Variants in CNTN3 observed in about 807,000 individuals in gnomAD.
CNTN3 encodes the protein contactin 3.
CNTN3 carries 60 observed loss-of-function variants against 119.1 expected under a neutral mutation model. The observed-to-expected ratio is 0.50, with a 90% CI of 0.41 to 0.62. The LOEUF is 0.62. CNTN3 is among the 20% of genes least tolerant of loss of function. The pLI is 0.00. For missense variants in CNTN3, 1,101 were observed against 1,242.4 expected (o/e 0.89, Z 1.71); for synonymous variants, 450 against 438.7 (o/e 1.03, Z -0.32).
At chr3:74,562,679 C>T (rs923146077) in intron 1 of CNTN3, among the ~76,000 whole-genome samples, 3 of 152,158 alleles carry the variant, frequency 2.0e-5, no homozygotes, top group Non-Finnish European at 4.4e-5. Flanking sequence ...GGCTTCCACA[C>T]TGAACTCATC....
intron 2 of CNTN3, among the ~76,000 whole-genome samples, chr3:74,510,649 A>C (rs1559639636): frequency 1.3e-5 from 2 of 152,010 alleles, no homozygotes; most frequent in Non-Finnish European, 2.9e-5. Context: ...CAAATCTCTA[A>C]GAATGTTTAC....
chr3:74,267,454 T>C, intron 20 of CNTN3, 76 bp from the exon 21 acceptor site: 2 of 1,012,220 alleles, frequency 2.0e-6, no homozygotes, highest in Non-Finnish European at 3.1e-6. Flanking sequence ...ATGGCGGCTA[T>C]CATAGGAAGC....
intron 11 of CNTN3, among the ~76,000 whole-genome samples, chr3:74,336,872 G>T (rs1703407573): frequency 6.6e-6 from 1 of 151,416 alleles, no homozygotes; most frequent in Admixed American, 6.6e-5. Flanking sequence ...GACAAAAGAT[G>T]CTCCACCAAT....
chr3:74,518,394 T>A (rs772882639), intron 2 of CNTN3, among the ~76,000 whole-genome samples: 4 of 151,960 alleles, frequency 2.6e-5, no homozygotes, highest in Non-Finnish European at 5.9e-5. Flanking sequence ...ATGGAGGATG[T>A]CAAGATTTAT....
chr3:74,408,982 C>A (rs1327307142), intron 5 of CNTN3, among the ~76,000 whole-genome samples: 1 of 152,110 alleles, frequency 6.6e-6, no homozygotes, highest in Non-Finnish European at 1.5e-5. Flanking sequence ...TTCTCTATTT[C>A]TTTGGCCAAT....
chr3:74,468,599 T>A (rs1466145342), intron 4 of CNTN3, among the ~76,000 whole-genome samples: 1 of 152,174 alleles, frequency 6.6e-6, no homozygotes, highest in African/African-American at 2.4e-5. Context: ...CAGATTATTT[T>A]TTATTAATGG....
chr3:74,353,735 G>A (rs1472665786), intron 11 of CNTN3, among the ~76,000 whole-genome samples: 1 of 151,890 alleles, frequency 6.6e-6, no homozygotes, highest in African/African-American at 2.4e-5. Flanking sequence ...CAGCCTGGGG[G>A]ACAGAGCGAG....
intron 5 of CNTN3, among the ~76,000 whole-genome samples, chr3:74,377,336 T>C (rs575001226): frequency 1.1e-4 from 17 of 152,234 alleles, no homozygotes; most frequent in African/African-American, 3.9e-4. Flanking sequence ...ACTGAAAATA[T>C]TTGAGAATAA....
intron 5 of CNTN3, among the ~76,000 whole-genome samples, chr3:74,389,748 C>A (rs1201930676): frequency 6.6e-6 from 1 of 152,152 alleles, no homozygotes; most frequent in Non-Finnish European, 1.5e-5. Context: ...TAAGTCCCTG[C>A]TCCTCAAATC....
At chr3:74,340,052 A>G (rs1379563801) in intron 11 of CNTN3, among the ~76,000 whole-genome samples, 7 of 152,278 alleles carry the variant, frequency 4.6e-5, no homozygotes, top group Non-Finnish European at 8.8e-5. Flanking sequence ...GCAATAAAAA[A>G]GTACAAGTGA....
chr3:74,613,119 ACTC>A (rs1233631299), intron 1 of CNTN3, among the ~76,000 whole-genome samples: 2 of 151,876 alleles, frequency 1.3e-5, no homozygotes, highest in Non-Finnish European at 2.9e-5. Flanking sequence ...AAAGGCAATT[ACTC>A]CTCCTTTCAA....
intron 13 of CNTN3, among the ~76,000 whole-genome samples, chr3:74,318,333 A>G (rs986926837): frequency 6.6e-6 from 1 of 152,062 alleles, no homozygotes; most frequent in African/African-American, 2.4e-5. Flanking sequence ...TTCTTCTCTC[A>G]GCTCGTCAAA....
At chr3:74,306,135 TCCC>T (rs1559693617) in intron 13 of CNTN3, among the ~76,000 whole-genome samples, 1 of 145,364 alleles carries the variant, frequency 6.9e-6, no homozygotes, top group Non-Finnish European at 1.5e-5. Flanking sequence ...ACTAATTCTT[TCCC>T]CCATCAATTT....
At chr3:74,358,742 C>T (rs1704005367) in intron 11 of CNTN3, among the ~76,000 whole-genome samples, 1 of 144,594 alleles carries the variant, frequency 6.9e-6, no homozygotes, top group Non-Finnish European at 1.5e-5. Context: ...GTATATCTCC[C>T]AATGCTATCC....
chr3:74,465,829 G>A (rs1702451442), intron 4 of CNTN3, among the ~76,000 whole-genome samples: 1 of 152,134 alleles, frequency 6.6e-6, no homozygotes, highest in South Asian at 2.1e-4. Context: ...CCCTGAAGGA[G>A]AAGCAAGTTC....
At chr3:74,502,786 CATT>C (rs1320536882) in intron 2 of CNTN3, among the ~76,000 whole-genome samples, 12 of 152,144 alleles carry the variant, frequency 7.9e-5, no homozygotes, top group Non-Finnish European at 2.9e-5. Flanking sequence ...CATCCAAAGT[CATT>C]ATACACCCTT....
chr3:74,289,995 T>C (rs1475329684), intron 19 of CNTN3, among the ~76,000 whole-genome samples: 2 of 152,226 alleles, frequency 1.3e-5, no homozygotes, highest in African/African-American at 4.8e-5. Context: ...TTTCTGTCTT[T>C]CAGTGAAACT....
chr3:74,273,299 C>T (rs541170018), intron 20 of CNTN3, among the ~76,000 whole-genome samples: 13 of 152,270 alleles, frequency 8.5e-5, no homozygotes, highest in East Asian at 7.7e-4. Flanking sequence ...TCCTGGCAAA[C>T]GGGAGGCAGG....
Position 74,302,741 on chromosome 3 carries a change from C to G in CNTN3, c.1735G>C (p.Val579Leu). The change falls in exon 14 of 23, where the codon GTG becomes CTG. Residue 579 changes from valine to leucine, a missense_variant. Coordinates refer to ENST00000263665, the MANE Select transcript of CNTN3 (RefSeq NM_020872.3). ...LKHSGKYVCM[V>L]QTGVDSVSSA... ...GAAACACTGTCCACCCCCGTTTGCA[C>G]CATACAAACATATTTCCCACTGTGT... 6.2e-7 allele frequency: 1 copy of G among 1,613,234 alleles called. No homozygotes were observed. The highest frequency in any genetic ancestry group is 8.5e-7 in the Non-Finnish European group (1 of 1,179,506).
Sources: allele counts gnomAD v4.1 joint callset (sites outside exome capture counted in the v4.1 genomes callset), GRCh38; gene constraint gnomAD v4.1.1; transcripts MANE v1.5; gene names NCBI Gene and HGNC (gene_info 2026-07-23, HGNC 2026-07-21).